The following COL6A5 variants were observed in gnomAD, a reference collection of about 807,000 sequenced individuals.
The protein encoded by COL6A5 is collagen type VI alpha 5 chain.
A neutral mutation model predicts 65.6 loss-of-function variants in COL6A5; 48 were observed. That is an observed-to-expected ratio of 0.73 (90% CI 0.58 to 0.93). The LOEUF is 0.93. Among genes scored for constraint, COL6A5 ranks in the 40% least tolerant of loss-of-function variants. The pLI, the probability that COL6A5 is intolerant of heterozygous loss-of-function variation, is 0.00. For missense variants in COL6A5, 914 were observed against 928.3 expected, an observed-to-expected ratio of 0.98 and a Z score of 0.20; for synonymous variants, 291 against 322.8, an observed-to-expected ratio of 0.90 and a Z score of 1.05.
exon 4 of COL6A5, chr3:130,379,743 C>G (rs905132791): frequency 6.4e-7 from 1 of 1,551,324 alleles, no homozygotes; most frequent in African/African-American, 1.4e-5. Flanking sequence ...AGTCATATGG[C>G]AGCAGAAGAG....
At chr3:130,443,485 A>G in exon 4 of COL6A5, 1 of 1,608,500 alleles carries the variant, frequency 6.2e-7, no homozygotes, top group Non-Finnish European at 8.5e-7. Flanking sequence ...GGGGGATTCA[A>G]TCAGTACCCA....
intron 4 of COL6A5, among the ~76,000 whole-genome samples, chr3:130,450,291 G>A (rs890092205): frequency 5.3e-5 from 8 of 152,230 alleles, no homozygotes; most frequent in Non-Finnish European, 7.4e-5. Context: ...TACTTAGAGC[G>A]GCAAATATTT....
At chr3:130,471,168 T>C (rs560427883) in intron 7 of COL6A5, among the ~76,000 whole-genome samples, 1 of 152,170 alleles carries the variant, frequency 6.6e-6, no homozygotes, top group South Asian at 2.1e-4. Context: ...ACAGGACTTA[T>C]ATTTGAAAGA....
chr3:130,434,850 G>T (rs1030925164), intron 1 of COL6A5, among the ~76,000 whole-genome samples: 3 of 152,152 alleles, frequency 2.0e-5, no homozygotes, highest in African/African-American at 7.2e-5. Context: ...ACCTTTGTCA[G>T]ATGGGTAGAT....
At chr3:130,350,289 A>G (rs1366552577) in intron 1 of COL6A5, among the ~76,000 whole-genome samples, 1 of 152,198 alleles carries the variant, frequency 6.6e-6, no homozygotes, top group African/African-American at 2.4e-5. Flanking sequence ...TATTCAACAT[A>G]GTGTTGGAAG....
exon 17 of COL6A5, chr3:130,406,312 A>T: frequency 6.5e-7 from 1 of 1,549,156 alleles, no homozygotes; most frequent in Non-Finnish European, 8.7e-7. Flanking sequence ...AAGGTGATCC[A>T]GGATCTCAGG....
rs1709882269 is a variant in COL6A5, at chr3:130,468,938, GC to G, written c.1689del (p.Ala564ValfsTer3). On this transcript the variant is annotated frameshift_variant, in exon 6 of 8. Transcript: ENST00000512836. LOFTEE classifies it high-confidence loss of function. ...AAGTGATGAGTTTAAGGAAGTAAAA[GC>G]TTTTATAACCTCAGTGCTTGATTAC... 6.2e-7 allele frequency: 1 copy of G among 1,612,512 alleles called. No homozygotes were observed. The highest frequency in any genetic ancestry group is 1.3e-5 in the African/African-American group (1 of 74,834).
intron 21 of COL6A5, 47 bp from the exon 22 acceptor site, chr3:130,414,022 G>A (rs1295460904): frequency 7.2e-7 from 1 of 1,391,716 alleles, no homozygotes; most frequent in Non-Finnish European, 1.0e-6. Context: ...AATCTATATG[G>A]AAACAACGTG....
Position 130,354,174 on chromosome 3 carries a change from G to A in COL6A5, c.-29+8193G>A, listed in dbSNP as rs115138978. ...TAGCATGATGATATTTAAGGATAAA[G>A]GATAAAATATCCAAGCAGGAAAGAA... is the stretch of plus-strand genomic sequence containing the variant. On this transcript the variant is annotated intron_variant and NMD_transcript_variant, in intron 1 of 41. Transcript: ENST00000312481. 9.1e-3 allele frequency among the ~76,000 whole-genome samples: 1,386 copies of A among 152,142 alleles called. 15 individuals carry two copies. Among genetic ancestry groups the A allele is most frequent in the Admixed American group, 0.019 (284 of 15,270 alleles).
At chr3:130,418,245 T>C (rs937625109) in intron 24 of COL6A5, among the ~76,000 whole-genome samples, 2 of 152,082 alleles carry the variant, frequency 1.3e-5, no homozygotes, top group Non-Finnish European at 2.9e-5. Flanking sequence ...TTCTAAGGTT[T>C]CACTGCTTAC....
At chr3:130,421,891 T>A (rs1318187374) in intron 27 of COL6A5, among the ~76,000 whole-genome samples, 1 of 152,126 alleles carries the variant, frequency 6.6e-6, no homozygotes, top group Non-Finnish European at 1.5e-5. Flanking sequence ...GAAATCCATC[T>A]TCATGCTGTA....
chr3:130,441,413 A>C (rs1251154530), intron 3 of COL6A5, among the ~76,000 whole-genome samples: 1 of 152,196 alleles, frequency 6.6e-6, no homozygotes, highest in African/African-American at 2.4e-5. Context: ...TGCTCATTGC[A>C]TGAGTGCCAG....
intron 6 of COL6A5, 99 bp from the exon 7 acceptor site, chr3:130,391,074 GACACAT>G (rs879251654): frequency 2.8e-6 from 2 of 711,546 alleles, no homozygotes; most frequent in South Asian, 2.2e-5. Flanking sequence ...TATAGTGTCT[GACACAT>G]AGTAGGCTCA....
chr3:130,455,375 TATGTTAA>T (rs1709547078), intron 4 of COL6A5, 73 bp from the exon 37 acceptor site: 2 of 778,420 alleles, frequency 2.6e-6, no homozygotes, highest in Admixed American at 5.6e-5. Flanking sequence ...GATAATTAAA[TATGTTAA>T]ATGTTAAGGA....
intron 4 of COL6A5, among the ~76,000 whole-genome samples, chr3:130,446,532 G>T (rs1709308639): frequency 6.6e-6 from 1 of 152,058 alleles, no homozygotes. Flanking sequence ...AGGAGAAGTG[G>T]GATTAGTTAG....
At chr3:130,356,460 CA>C (rs1250366637) in intron 1 of COL6A5, among the ~76,000 whole-genome samples, 2 of 152,042 alleles carry the variant, frequency 1.3e-5, no homozygotes, top group Non-Finnish European at 2.9e-5. Flanking sequence ...TTAAGCATTT[CA>C]AAAACTGAGC....
At chr3:130,350,450 A>G (rs906375738) in intron 1 of COL6A5, among the ~76,000 whole-genome samples, 4 of 152,254 alleles carry the variant, frequency 2.6e-5, no homozygotes, top group African/African-American at 9.6e-5. Context: ...CTGATAAGCA[A>G]CTTCAGCAAA....
chr3:130,409,705 C>T (rs924843625), intron 18 of COL6A5, among the ~76,000 whole-genome samples: 1 of 152,180 alleles, frequency 6.6e-6, no homozygotes. Flanking sequence ...AATCTTTTTA[C>T]ACCCTTGAGG....
intron 1 of COL6A5, among the ~76,000 whole-genome samples, chr3:130,347,032 A>C (rs868130829): frequency 1.3e-5 from 2 of 152,230 alleles, no homozygotes; most frequent in Non-Finnish European, 2.9e-5. Context: ...CAGGCTCTTC[A>C]TCACTGCTGA....
Sources: allele counts gnomAD v4.1 joint callset (sites outside exome capture counted in the v4.1 genomes callset), GRCh38; gene constraint gnomAD v4.1.1; transcripts MANE v1.5; gene names NCBI Gene and HGNC (gene_info 2026-07-23, HGNC 2026-07-21).